The following ETV6 variants were observed in gnomAD, a reference collection of about 807,000 sequenced individuals.
ETV6 encodes the protein ETS variant transcription factor 6.
In ETV6, 16 loss-of-function variants were observed where a neutral mutation model predicts 51.1. That is an observed-to-expected ratio of 0.31 (90% CI 0.21 to 0.48). The LOEUF (loss-of-function observed/expected upper bound fraction) is 0.48. ETV6 is among the 20% of genes least tolerant of loss of function. The pLI is 0.99. For synonymous variants in ETV6, 240 were observed against 224.1 expected (o/e 1.07, Z -0.64); for missense variants, 458 against 594.8 (o/e 0.77, Z 2.39).
chr12:11,793,139 A>G (rs1053748214), intron 2 of ETV6, among the ~76,000 whole-genome samples: 2 of 152,118 alleles, frequency 1.3e-5, no homozygotes, highest in African/African-American at 4.8e-5. Context: ...GGTGACTGAT[A>G]TCGGAGCTTT....
chr12:11,725,466 G>T (rs1865470717), intron 1 of ETV6, among the ~76,000 whole-genome samples: 1 of 152,086 alleles, frequency 6.6e-6, no homozygotes, highest in Non-Finnish European at 1.5e-5. Context: ...TATCTCAAAG[G>T]CAATATATAT....
intron 5 of ETV6, among the ~76,000 whole-genome samples, chr12:11,874,730 G>GTATA (rs201885095): frequency 2.7e-5 from 4 of 149,206 alleles, no homozygotes; most frequent in South Asian, 2.1e-4. Context: ...ATATATATGT[G>GTATA]TATATATATA....
chr12:11,871,236 T>C (rs1300377337), intron 5 of ETV6, among the ~76,000 whole-genome samples: 1 of 149,086 alleles, frequency 6.7e-6, no homozygotes, highest in East Asian at 2.0e-4. Flanking sequence ...TTGCCCAGGC[T>C]GGAGTGCAGT....
chr12:11,796,992 C>T (rs1199195921), intron 2 of ETV6, among the ~76,000 whole-genome samples: 1 of 152,168 alleles, frequency 6.6e-6, no homozygotes, highest in African/African-American at 2.4e-5. Flanking sequence ...TCACTATGAG[C>T]TACCATGCCT....
intron 1 of ETV6, among the ~76,000 whole-genome samples, chr12:11,675,464 T>C (rs1241927578): frequency 6.6e-6 from 1 of 152,194 alleles, no homozygotes; most frequent in Non-Finnish European, 1.5e-5. Flanking sequence ...TTAGCACATA[T>C]TGTACATTCA....
intron 2 of ETV6, among the ~76,000 whole-genome samples, chr12:11,798,463 C>T (rs1056767360): frequency 1.3e-5 from 2 of 152,038 alleles, no homozygotes; most frequent in South Asian, 4.1e-4. Flanking sequence ...GTAGACTCCA[C>T]TATGGAGAAG....
intron 2 of ETV6, among the ~76,000 whole-genome samples, chr12:11,793,632 C>T (rs1197033478): frequency 2.6e-5 from 4 of 152,212 alleles, no homozygotes; most frequent in Admixed American, 6.5e-5. Context: ...AGGTCGGACT[C>T]TACAGCTGGT....
intron 2 of ETV6, among the ~76,000 whole-genome samples, chr12:11,794,626 T>TA (rs1213984972): frequency 1.3e-5 from 2 of 152,244 alleles, no homozygotes; most frequent in African/African-American, 2.4e-5. Flanking sequence ...CTGAGTTTTT[T>TA]ATCTCTTGAG....
chr12:11,822,934 A>C (rs1946101325), intron 2 of ETV6, among the ~76,000 whole-genome samples: 1 of 152,216 alleles, frequency 6.6e-6, no homozygotes, highest in African/African-American at 2.4e-5. Context: ...AAAGTTTCCA[A>C]GGGCTGCATT....
In ETV6 at chr12:11,764,739, A is replaced by T. The variant is rs368662884; in HGVS notation, c.163+12160A>T. ...TGTGTGTGACAGGGAGGAGGTGTGC[A>T]GAATTTGGGGGAAAGATCCTTTGTA... On this transcript the variant is annotated intron_variant, in intron 2 of 7. Coordinates refer to ENST00000396373, the MANE Select transcript of ETV6 (RefSeq NM_001987.5). 4.6e-5 allele frequency among the ~76,000 whole-genome samples: 7 copies of T among 152,316 alleles called. No individual in the cohort carries two copies. In the East Asian group the frequency reaches 1.4e-3, roughly 29 times the overall value.
At chr12:11,832,499 T>G (rs1269326293) in intron 2 of ETV6, among the ~76,000 whole-genome samples, 1 of 152,202 alleles carries the variant, frequency 6.6e-6, no homozygotes, top group African/African-American at 2.4e-5. Flanking sequence ...ATAGGAACTG[T>G]TGGTAACCTG....
chr12:11,886,364 G>T (rs1947183608), intron 7 of ETV6, among the ~76,000 whole-genome samples: 1 of 152,046 alleles, frequency 6.6e-6, no homozygotes, highest in African/African-American at 2.4e-5. Context: ...TAGACTTCCA[G>T]GTTACCATCG....
At chr12:11,654,696 C>T (rs1863967464) in intron 1 of ETV6, among the ~76,000 whole-genome samples, 1 of 152,044 alleles carries the variant, frequency 6.6e-6, no homozygotes, top group Non-Finnish European at 1.5e-5. Context: ...CTTGTATTGG[C>T]ACCACTATTT....
At chr12:11,712,100 G>T (rs1328884333) in intron 1 of ETV6, among the ~76,000 whole-genome samples, 1 of 152,072 alleles carries the variant, frequency 6.6e-6, no homozygotes, top group African/African-American at 2.4e-5. Flanking sequence ...TCCTCAGGTG[G>T]ACGTTTGAAC....
At chr12:11,769,938 C>T (rs1370963555) in intron 2 of ETV6, among the ~76,000 whole-genome samples, 1 of 151,914 alleles carries the variant, frequency 6.6e-6, no homozygotes, top group South Asian at 2.1e-4. Flanking sequence ...GCAGGTGGCA[C>T]GGGAGAAGAA....
intron 1 of ETV6, among the ~76,000 whole-genome samples, chr12:11,712,102 C>T (rs73288753): frequency 6.6e-6 from 1 of 152,124 alleles, no homozygotes; most frequent in African/African-American, 2.4e-5. Context: ...CTCAGGTGGA[C>T]GTTTGAACCC....
At chr12:11,685,523 A>G (rs1748879761) in intron 1 of ETV6, among the ~76,000 whole-genome samples, 2 of 151,974 alleles carry the variant, frequency 1.3e-5, no homozygotes, top group Admixed American at 6.5e-5. Context: ...TTTTTTTCTA[A>G]TGACTTTTTA....
At chr12:11,699,508 A>C (rs1367352773) in intron 1 of ETV6, among the ~76,000 whole-genome samples, 4 of 152,194 alleles carry the variant, frequency 2.6e-5, no homozygotes, top group Non-Finnish European at 5.9e-5. Context: ...CTGAAATTTT[A>C]GAGTAAAAAA....
rs561364028 is a variant in ETV6 at position 11,800,603 on chromosome 12, C to G, written c.164-38537C>G. 1.6e-4 allele frequency among the ~76,000 whole-genome samples: 25 copies of G among 152,238 alleles called. No homozygotes were observed. The East Asian group carries it at 4.8e-3, about 29-fold the overall frequency. ...TCTGCTTGAGTTCAACTTTTAGATTCCACATGTAAGCGAGATCGTGTAATA... is the reference window on the plus strand; with the variant it reads ...TCTGCTTGAGTTCAACTTTTAGATTGCACATGTAAGCGAGATCGTGTAATA... On this transcript the variant is annotated intron_variant, in intron 2 of 7. Transcript: ENST00000396373.
Sources: allele counts gnomAD v4.1 joint callset (sites outside exome capture counted in the v4.1 genomes callset), GRCh38; gene constraint gnomAD v4.1.1; transcripts MANE v1.5; gene names NCBI Gene and HGNC (gene_info 2026-07-23, HGNC 2026-07-21).